Variants in PKLR observed in about 807,000 individuals in gnomAD.
The protein encoded by PKLR is pyruvate kinase L/R.
In PKLR, 38 loss-of-function variants were observed where a neutral mutation model predicts 53.6. The observed-to-expected ratio is 0.71, with a 90% CI of 0.55 to 0.93. The LOEUF (loss-of-function observed/expected upper bound fraction) is 0.93, where lower values mean the gene tolerates loss of function less well. Among genes scored for constraint, PKLR ranks in the 40% least tolerant of loss-of-function variants. PKLR has a pLI of 0.00. For missense variants in PKLR, 702 were observed against 787.3 expected (o/e 0.89, Z 1.30); for synonymous variants, 328 against 316.2 (o/e 1.04, Z -0.39).
At position 155,293,471 on chromosome 1, in the gene PKLR, G is replaced by A. The variant is rs756750467; in HGVS notation, c.1236C>T (p.Asn412=). ...GCATCTTCACCGCTTCCACAGGGAA[G>A]TTGCCCTTGGCAGTCTCCCCTGACA... ...IMLSGETAKG[N]FPVEAVKMQH... is the part of the protein sequence containing the mutation. The change falls in exon 8 of 11, where the codon AAC becomes AAT. Residue 412 remains asparagine (N), a synonymous_variant. Transcript: ENST00000342741. The surrounding 1 kb of genome is among the most constrained non-coding windows in gnomAD (Gnocchi z 4.2). The A allele has an allele frequency of 1.2e-5, 19 of 1,614,132 alleles. No homozygotes were observed. Among genetic ancestry groups the A allele is most frequent in the Non-Finnish European group, 1.6e-5 (19 of 1,180,044 alleles).
intron 1 of PKLR, 138 bp downstream of exon 1, chr1:155,301,158 G>C (rs1647972260): frequency 7.5e-7 from 1 of 1,325,204 alleles, no homozygotes; most frequent in Non-Finnish European, 1.1e-6. Flanking sequence ...CACACGGGAG[G>C]CTCTGAAGAA....
chr1:155,292,060 T>C, intron 9 of PKLR, 123 bp from the exon 10 acceptor site: 1 of 893,182 alleles, frequency 1.1e-6, no homozygotes, highest in Admixed American at 2.0e-5. Context: ...GTCATCATAC[T>C]TCTCTGGGCC....
At position 155,291,645 on chromosome 1, in the gene PKLR, A is replaced by G. The variant is rs1674547454; in HGVS notation, c.1618+111T>C. ...CAGTCTTAGTGACTCTCACAGGGAA[A>G]ACCTGGGACCACAGGAGAGAGGCAA... On this transcript the variant is annotated intron_variant, in intron 10 of 10. Coordinates refer to ENST00000342741, the MANE Select transcript of PKLR (RefSeq NM_000298.6). 4.4e-6 allele frequency: 4 copies of G among 916,296 alleles called. No homozygotes were observed. In the African/African-American group the frequency reaches 6.5e-5, roughly 15 times the overall value. 56.8% of individuals were successfully genotyped at this position (916,296 alleles called of 1,614,324 possible). A position where few individuals can be genotyped will look rare whatever the true frequency, so the allele number is the denominator to read the frequency against.
upstream of PKLR, among the ~76,000 whole-genome samples, chr1:155,302,097 G>A (rs910042127): frequency 4.2e-5 from 6 of 143,514 alleles, no homozygotes; most frequent in Non-Finnish European, 7.5e-5. Context: ...TCACTCTGTC[G>A]CCCAGGCTGG....
At chr1:155,294,970 T>A in intron 5 of PKLR, 146 bp downstream of exon 5, 1 of 1,064,858 alleles carries the variant, frequency 9.4e-7, no homozygotes, top group Non-Finnish European at 1.4e-6. Flanking sequence ...GAGCGCAGAG[T>A]CTACACGCTG....
At chr1:155,300,066 C>A in intron 2 of PKLR, 32 bp downstream of exon 2, 2 of 1,599,332 alleles carry the variant, frequency 1.3e-6, no homozygotes, top group Non-Finnish European at 1.7e-6. Flanking sequence ...CCAATAGGCC[C>A]TGTGTGGCTG....
upstream of PKLR, among the ~76,000 whole-genome samples, chr1:155,302,731 C>T (rs1389450575): frequency 6.6e-6 from 1 of 151,512 alleles, no homozygotes; most frequent in African/African-American, 2.4e-5. Flanking sequence ...GGAGTGCACT[C>T]GTGTGATCAT....
chr1:155,298,286 G>A (rs1307623165), intron 2 of PKLR, among the ~76,000 whole-genome samples: 2 of 151,626 alleles, frequency 1.3e-5, no homozygotes, highest in East Asian at 1.9e-4. Flanking sequence ...AGTCTGCCTC[G>A]GCCTCCCAAA....
chr1:155,300,014 G>T, intron 2 of PKLR, 84 bp downstream of exon 2: 2 of 1,350,650 alleles, frequency 1.5e-6, no homozygotes, highest in Non-Finnish European at 2.1e-6. Flanking sequence ...ACATGGAGAA[G>T]TCTCAAAGGA....
At position 155,295,648 on chromosome 1, in the gene PKLR, G is replaced by C. The variant is rs770802374; in HGVS notation, c.375+17C>G. 33 of 1,613,952 alleles carry C rather than the reference G, an allele frequency of 2.0e-5. No individual in the cohort carries two copies. Among genetic ancestry groups the C allele is most frequent in the Non-Finnish European group, 2.6e-5 (31 of 1,179,982 alleles). On this transcript the variant is annotated intron_variant, in intron 3 of 10. Coordinates refer to ENST00000342741, the MANE Select transcript of PKLR (RefSeq NM_000298.6). The surrounding 1 kb of genome is among the most constrained non-coding windows in gnomAD (Gnocchi z 4.3). ...CATCCTCCTGCCCCACCCACTGCCC[G>C]GCGGCCCGTCCCGCACCTCGTGGGA...
intron 9 of PKLR, among the ~76,000 whole-genome samples, chr1:155,292,450 A>C (rs767243274): frequency 1.2e-4 from 18 of 152,198 alleles, no homozygotes; most frequent in Non-Finnish European, 2.2e-4. Context: ...AGCCTGGCTA[A>C]CATGATGAAA....
intron 2 of PKLR, among the ~76,000 whole-genome samples, chr1:155,298,695 G>T (rs1406088054): frequency 2.0e-5 from 3 of 151,434 alleles, no homozygotes; most frequent in Non-Finnish European, 2.9e-5. Flanking sequence ...AAACTGGAGT[G>T]CAATGGCGTG....
chr1:155,296,470 G>A (rs1208143445), intron 2 of PKLR, among the ~76,000 whole-genome samples: 1 of 151,398 alleles, frequency 6.6e-6, no homozygotes, highest in African/African-American at 2.5e-5. Context: ...AGCCTCCTGA[G>A]TAGCTGGGAT....
rs1647326018 is a variant in PKLR, at chr1:155,293,270, C to T, written c.1343G>A (p.Ser448Asn). ...GGCGGTGACCTCAGTGGGATCACGG[C>T]TTAGTGGCGCTGCCCGACGTAGCTC... ...FEELRRAAPL[S>N]RDPTEVTAIG... Residue 448 changes from serine (S) to asparagine (N), a missense_variant, in exon 9 of 11, where the codon AGC becomes AAC. By Grantham distance (46) the Ser-to-Asn change is conservative (BLOSUM62 1). Transcript: ENST00000342741. The surrounding 1 kb of genome is among the most constrained non-coding windows in gnomAD (Gnocchi z 4.2). The T allele has an allele frequency of 6.2e-7, 1 of 1,614,118 alleles. No homozygotes were observed. The highest frequency in any genetic ancestry group is 1.1e-5 in the South Asian group (1 of 91,096).
Position 155,293,340 on chromosome 1 carries a change from C to T in PKLR, c.1273G>A (p.Ala425Thr), listed in dbSNP as rs756703156. Residue 425 changes from alanine (A) to threonine (T), a missense_variant, in exon 9 of 11, where the codon GCC (alanine) becomes ACC (threonine). By Grantham distance (58) the Ala-to-Thr change is moderately conservative. Transcript: ENST00000342741. This position sits in a 1 kb window ranked among gnomAD's most constrained non-coding sequence, Gnocchi z 4.2. ...TACACTGCGGCCTCTGCCTCCCGGG[C>T]AATCTGCAGGTGCCAGAATGTTAGT... ...VEAVKMQHAI[A>T]REAEAAVYHR... is the part of the protein sequence containing the mutation. 4 of 1,614,236 alleles carry T rather than the reference C, an allele frequency of 2.5e-6. No individual in the cohort carries two copies. Among genetic ancestry groups the T allele is most frequent in the Non-Finnish European group, 3.4e-6 (4 of 1,180,038 alleles).
intron 1 of PKLR, 112 bp from the exon 2 acceptor site, chr1:155,300,392 T>C: frequency 1.3e-6 from 1 of 787,010 alleles, no homozygotes; most frequent in South Asian, 1.5e-5. Flanking sequence ...GCATCATGCA[T>C]ATATTATTTT....
At chr1:155,300,817 A>AGG (rs1370977453) in intron 1 of PKLR, 13 of 1,587,200 alleles carry the variant, frequency 8.2e-6, no homozygotes, top group African/African-American at 1.3e-5. Context: ...AAGCTGCTAC[A>AGG]GACACAGAGG....
Position 155,293,517 on chromosome 1 carries a change from T to A in PKLR, c.1190A>T (p.Asp397Val). The change falls in exon 8 of 11, where the codon GAT becomes GTT. Residue 397 changes from aspartate to valine, a missense_variant. Physicochemically the swap from Asp to Val is radical, Grantham distance 152 (BLOSUM62 -3). Coordinates refer to ENST00000342741, the MANE Select transcript of PKLR (RefSeq NM_000298.6). The surrounding 1 kb of genome is among the most constrained non-coding windows in gnomAD (Gnocchi z 4.2). ...ETSDVANAVLDGADCIMLSGE... is the reference protein window; with the variant it reads ...ETSDVANAVLVGADCIMLSGE... ...TGACAGCATGATGCAGTCAGCCCCA[T>A]CCAGCACAGCATTGGCGACATCGCT... 6.2e-7 allele frequency: 1 copy of A among 1,614,208 alleles called. No homozygotes were observed. The highest frequency in any genetic ancestry group is 1.1e-5 in the South Asian group (1 of 91,080).
At chr1:155,304,918 AG>A (rs925263699), upstream of PKLR, among the ~76,000 whole-genome samples, 17 of 152,300 alleles carry the variant, frequency 1.1e-4, no homozygotes, top group Admixed American at 2.0e-4. Flanking sequence ...TTTACAGATG[AG>A]GGAACTGGGC....
Sources: allele counts gnomAD v4.1 joint callset (sites outside exome capture counted in the v4.1 genomes callset), GRCh38; gene constraint gnomAD v4.1.1; non-coding constraint Gnocchi (gnomAD v3.1); transcripts MANE v1.5; gene names NCBI Gene and HGNC (gene_info 2026-07-23, HGNC 2026-07-21).